Variants in STK32B observed in about 807,000 individuals in gnomAD.
STK32B encodes the protein serine/threonine kinase 32B, also known as serine/threonine-protein kinase 32B.
In STK32B, 43 loss-of-function variants were observed where a neutral mutation model predicts 52.6. That is an observed-to-expected ratio of 0.82 (90% CI 0.64 to 1.05). The LOEUF (loss-of-function observed/expected upper bound fraction) is 1.05, where lower values mean the gene tolerates loss of function less well. Among genes scored for constraint, STK32B ranks in the 50% least tolerant of loss-of-function variants. The pLI, the probability that STK32B is intolerant of heterozygous loss-of-function variation, is 0.00. For missense variants in STK32B, 621 were observed against 534.6 expected (o/e 1.16, Z -1.59); for synonymous variants, 238 against 204.3 (o/e 1.17, Z -1.41).
At chr4:5,498,745 T>C (rs897258645) in intron 11 of STK32B, among the ~76,000 whole-genome samples, 200 bp from the exon 12 acceptor site, 1 of 152,262 alleles carries the variant, frequency 6.6e-6, no homozygotes, top group Non-Finnish European at 1.5e-5. Context: ...CTCACCCAAG[T>C]GCACCTGAGC....
intron 3 of STK32B, among the ~76,000 whole-genome samples, chr4:5,219,270 C>T (rs909725062): frequency 4.6e-5 from 7 of 152,204 alleles, no homozygotes; most frequent in African/African-American, 1.7e-4. Flanking sequence ...GGTGGCCAGG[C>T]CCCCTCATGG....
intron 11 of STK32B, among the ~76,000 whole-genome samples, chr4:5,495,733 G>A (rs1340111220): frequency 6.6e-6 from 1 of 152,092 alleles, no homozygotes; most frequent in Non-Finnish European, 1.5e-5. Context: ...TTTGATGATG[G>A]TGATGTACAG....
chr4:5,065,992 G>A (rs1455045242), intron 1 of STK32B, among the ~76,000 whole-genome samples: 1 of 152,132 alleles, frequency 6.6e-6, no homozygotes, highest in African/African-American at 2.4e-5. Context: ...CCAAAGTGCT[G>A]GGATTACAGG....
chr4:5,020,611 C>T, the STK32B span, among the ~76,000 whole-genome samples: 4 of 152,154 alleles, frequency 2.6e-5, no homozygotes, highest in African/African-American at 7.2e-5. Context: ...AGACTTCAGG[C>T]CCTGTCCTCC....
intron 4 of STK32B, among the ~76,000 whole-genome samples, chr4:5,357,007 GTATA>G (rs140670209): frequency 0.02 from 2,833 of 140,178 alleles, 91 homozygotes; most frequent in African/African-American, 0.061. Flanking sequence ...TCTCATATGT[GTATA>G]TATATATATA....
At chr4:5,446,069 C>T (rs1233806727) in intron 6 of STK32B, among the ~76,000 whole-genome samples, 7 of 152,208 alleles carry the variant, frequency 4.6e-5, no homozygotes, top group African/African-American at 1.2e-4. Context: ...CACCAATCCA[C>T]CCCCTCCAGG....
chr4:5,168,163 C>G, intron 2 of STK32B, 136 bp from the exon 3 acceptor site: 1 of 1,160,248 alleles, frequency 8.6e-7, no homozygotes, highest in East Asian at 2.6e-5. Flanking sequence ...CCTAACTTAG[C>G]AGAGCTGCTC....
intron 4 of STK32B, among the ~76,000 whole-genome samples, chr4:5,340,525 T>C (rs1733006800): frequency 6.6e-6 from 1 of 152,192 alleles, no homozygotes; most frequent in Non-Finnish European, 1.5e-5. Context: ...TTCTCATTTA[T>C]TGATGGGTTA....
intron 1 of STK32B, among the ~76,000 whole-genome samples, chr4:5,118,178 A>C (rs1900559): frequency 0.96 from 146,898 of 152,288 alleles, 71,042 homozygotes; most frequent in East Asian, 1. Flanking sequence ...TTGATGCTAT[A>C]AGGTCCTGTG....
chr4:5,184,067 C>G (rs2108756056), intron 3 of STK32B, among the ~76,000 whole-genome samples: 1 of 152,304 alleles, frequency 6.6e-6, no homozygotes, highest in African/African-American at 2.4e-5. Context: ...CCTTCAGTAA[C>G]TTTTTCTCTG....
In STK32B at chr4:5,307,548, CTTTT is replaced by C. The variant is rs558277345; in HGVS notation, c.261-23659_261-23656del. Among the ~76,000 whole-genome samples, 4 of 137,382 alleles carry C rather than the reference CTTTT, an allele frequency of 2.9e-5. No individual in the cohort carries two copies. In the East Asian group the frequency reaches 6.3e-4, roughly 22 times the overall value. 90.1% of individuals were successfully genotyped at this position (137,382 alleles called of 152,430 possible). A position where few individuals can be genotyped will look rare whatever the true frequency, so the allele number is the denominator to read the frequency against. On this transcript the variant is annotated intron_variant, in intron 3 of 11. Transcript: ENST00000282908. ...GAGATTTTCCATTCATATGCTCTATCTTTTTTTTTTTTTTTTAGGTTGAACTTCA... is the reference window on the plus strand; with the variant it reads ...GAGATTTTCCATTCATATGCTCTATCTTTTTTTTTTTTAGGTTGAACTTCA...
chr4:5,151,866 C>T (rs890654399), intron 2 of STK32B, among the ~76,000 whole-genome samples: 1 of 152,128 alleles, frequency 6.6e-6, no homozygotes, highest in African/African-American at 2.4e-5. Flanking sequence ...GCTTTTGGAT[C>T]CCTTTTTCTT....
intron 3 of STK32B, among the ~76,000 whole-genome samples, chr4:5,321,907 G>A (rs973764371): frequency 4.0e-5 from 6 of 151,716 alleles, no homozygotes; most frequent in African/African-American, 9.7e-5. Context: ...AGCGTCCTTC[G>A]ACTTCCTGGG....
intron 1 of STK32B, among the ~76,000 whole-genome samples, chr4:5,125,563 G>C (rs1179447861): frequency 6.6e-6 from 1 of 152,186 alleles, no homozygotes; most frequent in African/African-American, 2.4e-5. Context: ...CAGCGATGCA[G>C]GGAGATGCCC....
intron 6 of STK32B, among the ~76,000 whole-genome samples, chr4:5,445,193 A>G (rs1286149055): frequency 6.6e-6 from 1 of 152,168 alleles, no homozygotes; most frequent in Non-Finnish European, 1.5e-5. Context: ...ATGTGAAGCA[A>G]ATGGAGAATA....
At chr4:5,424,528 A>C (rs2526311) in intron 6 of STK32B, among the ~76,000 whole-genome samples, 102,989 of 152,112 alleles carry the variant, frequency 0.68, 35,227 homozygotes, top group Middle Eastern at 0.81. Flanking sequence ...GATGTTGGGA[A>C]AACCTGCCTG....
chr4:5,482,325 GTATTT>G (rs1718784332), intron 11 of STK32B, among the ~76,000 whole-genome samples: 1 of 152,094 alleles, frequency 6.6e-6, no homozygotes. Flanking sequence ...GGATTTCTAG[GTATTT>G]TATTCTCTTT....
chr4:5,158,493 C>G (rs961943528), intron 2 of STK32B, among the ~76,000 whole-genome samples: 5 of 152,106 alleles, frequency 3.3e-5, no homozygotes, highest in Admixed American at 6.6e-5. Context: ...TTGTTTATTC[C>G]TTTCCTTATT....
At chr4:5,250,620 G>C (rs1313089918) in intron 3 of STK32B, among the ~76,000 whole-genome samples, 1 of 152,100 alleles carries the variant, frequency 6.6e-6, no homozygotes, top group African/African-American at 2.4e-5. Flanking sequence ...GCTGTTTTAA[G>C]TTCTTTAAGA....
Sources: gnomAD v4.1 joint callset for allele counts (sites outside exome capture counted in the v4.1 genomes callset) on GRCh38, gnomAD v4.1.1 for gene constraint, MANE v1.5 for transcripts, NCBI Gene and HGNC (gene_info 2026-07-23, HGNC 2026-07-21) for gene names.